Variants in PCDHA6 observed in about 807,000 individuals in gnomAD.
PCDHA6 encodes the protein protocadherin alpha-6.
A neutral mutation model predicts 60.3 loss-of-function variants in PCDHA6; 55 were observed. That is an observed-to-expected ratio of 0.91 (90% confidence interval 0.73 to 1.14). The LOEUF is 1.14. Ranked by LOEUF, PCDHA6 falls within the 50% of genes most tolerant of loss-of-function variation. The pLI, the probability that PCDHA6 is intolerant of heterozygous loss-of-function variation, is 0.00. For synonymous variants in PCDHA6, 652 were observed against 557.9 expected, an observed-to-expected ratio of 1.17 and a Z score of -2.38; for missense variants, 1,327 against 1,256.5, an observed-to-expected ratio of 1.06 and a Z score of -0.85.
At chr5:140,975,523 A>T (rs1275717294) in intron 1 of PCDHA6, among the ~76,000 whole-genome samples, 1 of 152,196 alleles carries the variant, frequency 6.6e-6, no homozygotes, top group African/African-American at 2.4e-5. Flanking sequence ...TCTGCAGTGG[A>T]TATATTCTTA....
intron 3 of PCDHA6, among the ~76,000 whole-genome samples, chr5:141,007,792 C>A (rs2098346636): frequency 6.6e-6 from 1 of 152,166 alleles, no homozygotes. Flanking sequence ...TACAAATTAG[C>A]CTTTATCTGC....
intron 1 of PCDHA6, among the ~76,000 whole-genome samples, chr5:140,885,025 T>A (rs2060432297): frequency 6.6e-6 from 1 of 152,228 alleles, no homozygotes; most frequent in Non-Finnish European, 1.5e-5. Context: ...ATCTTAAATT[T>A]AAAAAATTTT....
At chr5:141,002,682 G>A (rs536105955) in intron 3 of PCDHA6, among the ~76,000 whole-genome samples, 51 of 152,256 alleles carry the variant, frequency 3.3e-4, no homozygotes, top group African/African-American at 1.0e-3. Flanking sequence ...CCTATACGAC[G>A]TGCAGATTTG....
chr5:140,941,214 C>CCCTTCTTTCTTTCTTTCTTTCTTT (rs2092871784), intron 1 of PCDHA6, among the ~76,000 whole-genome samples: 1 of 122,414 alleles, frequency 8.2e-6, no homozygotes, highest in Non-Finnish European at 1.7e-5. Flanking sequence ...TTTCTTTCTT[C>CCCTTCTTTCTTTCTTTCTTTCTTT]CTTTCTTTCT....
At chr5:140,893,434 C>G (rs1554185617) in intron 1 of PCDHA6, among the ~76,000 whole-genome samples, 1 of 152,042 alleles carries the variant, frequency 6.6e-6, no homozygotes, top group African/African-American at 2.4e-5. Context: ...AGGAAGATCG[C>G]TTGAAGCCAG....
chr5:140,848,884 C>T, intron 1 of PCDHA6: 2 of 1,591,388 alleles, frequency 1.3e-6, no homozygotes, highest in South Asian at 1.1e-5. Flanking sequence ...AACGACAACC[C>T]TCCAGTGTTC....
intron 1 of PCDHA6, chr5:140,882,587 G>A (rs559310344): frequency 6.2e-7 from 1 of 1,614,256 alleles, no homozygotes; most frequent in East Asian, 2.2e-5. Flanking sequence ...CATCCACCTG[G>A]AGGTGATCGT....
chr5:140,927,802 A>G (rs782489417), intron 1 of PCDHA6: 1 of 1,614,030 alleles, frequency 6.2e-7, no homozygotes, highest in African/African-American at 1.3e-5. Flanking sequence ...TCCGCCTGAA[A>G]CGCTCTTGGA....
chr5:140,842,293 C>T, intron 1 of PCDHA6: 1 of 1,609,994 alleles, frequency 6.2e-7, no homozygotes, highest in South Asian at 1.1e-5. Flanking sequence ...ACGCCACGGA[C>T]AAAGGCCATC....
chr5:140,850,782 G>A (rs1485656675), intron 1 of PCDHA6: 2 of 1,598,136 alleles, frequency 1.3e-6, no homozygotes, highest in African/African-American at 1.3e-5. Flanking sequence ...CTCTGGCGAG[G>A]GTAAGCAGAA....
chr5:140,881,127 A>G (rs1274793505), intron 1 of PCDHA6, among the ~76,000 whole-genome samples: 1 of 152,234 alleles, frequency 6.6e-6, no homozygotes, highest in Non-Finnish European at 1.5e-5. Context: ...GTGGCTTGGT[A>G]GAGATAGTTA....
At chr5:140,987,997 T>C (rs2097277277) in intron 3 of PCDHA6, among the ~76,000 whole-genome samples, 1 of 152,212 alleles carries the variant, frequency 6.6e-6, no homozygotes, top group African/African-American at 2.4e-5. Flanking sequence ...TCTCTGATCC[T>C]TCCCCAGAAA....
intron 1 of PCDHA6, among the ~76,000 whole-genome samples, chr5:140,840,919 A>C (rs2150310100): frequency 6.6e-5 from 10 of 152,182 alleles, no homozygotes; most frequent in African/African-American, 2.2e-4. Context: ...TAAATTTATT[A>C]TTAATTGATA....
rs139165612 is a variant in PCDHA6 at position 140,875,715 on chromosome 5, T to C, written c.2394+45230T>C. On this transcript the variant is annotated intron_variant, in intron 1 of 3. Coordinates refer to ENST00000529310, the MANE Select transcript of PCDHA6 (RefSeq NM_018909.4). Reference sequence around the variant, plus strand: ...ACCTTCTGGAGGTAAATCTGCAGAATGGCATTTTGTTTGTGAATTCTCGGA... The same window carrying C: ...ACCTTCTGGAGGTAAATCTGCAGAACGGCATTTTGTTTGTGAATTCTCGGA... 205 of 1,614,134 alleles carry C rather than the reference T, an allele frequency of 1.3e-4. 1 individual carries two copies. The African/African-American group carries it at 2.2e-3, about 17-fold the overall frequency.
rs2150422105 is a variant in PCDHA6 at position 140,848,832 on chromosome 5, C to G, written c.2394+18347C>G. On this transcript the variant is annotated intron_variant, in intron 1 of 3. Transcript: ENST00000529310. ...CCACCTGGAGGTGATCGTAGACAGG[C>G]CGCTGCAGGTTTTCCATGTGGACGT... is the stretch of plus-strand genomic sequence containing the variant. 3.8e-6 allele frequency: 6 copies of G among 1,590,118 alleles called. 1 individual carries two copies. Among genetic ancestry groups the G allele is most frequent in the Non-Finnish European group, 5.2e-6 (6 of 1,161,950 alleles).
chr5:140,862,039 C>A (rs1554155581), intron 1 of PCDHA6: 1 of 155,382 alleles, frequency 6.4e-6, no homozygotes, highest in African/African-American at 2.4e-5. Context: ...GGGTTCAAAC[C>A]GTCACATTGT....
rs934481202 is a variant in PCDHA6, at chr5:140,902,279, C to A, written c.2394+71794C>A. On this transcript the variant is annotated intron_variant, in intron 1 of 3. Coordinates refer to ENST00000529310, the MANE Select transcript of PCDHA6 (RefSeq NM_018909.4). ...TCTCGAACTCCTGGGCTCAAGCAATCCTCCTGCCTCAGCCTCCCAAAGTGC... is the reference window on the plus strand; with the variant it reads ...TCTCGAACTCCTGGGCTCAAGCAATACTCCTGCCTCAGCCTCCCAAAGTGC... Among the ~76,000 whole-genome samples the A allele has an allele frequency of 2.7e-5, 4 of 148,452 alleles. No individual in the cohort carries two copies. The Admixed American group carries it at 2.7e-4, about 10-fold the overall frequency.
At chr5:140,869,630 A>G in intron 1 of PCDHA6, 2 of 1,613,720 alleles carry the variant, frequency 1.2e-6, no homozygotes, top group Non-Finnish European at 8.5e-7. Context: ...AGTAAAAATG[A>G]GTATTTTTCT....
At chr5:140,875,580 C>T (rs1381718234) in intron 1 of PCDHA6, 2 of 1,614,076 alleles carry the variant, frequency 1.2e-6, no homozygotes, top group East Asian at 2.2e-5. Flanking sequence ...ACTCCGTCTA[C>T]GAGGAGGCCA....
Sources: gnomAD v4.1 joint callset for allele counts (sites outside exome capture counted in the v4.1 genomes callset) on GRCh38, gnomAD v4.1.1 for gene constraint, MANE v1.5 for transcripts, NCBI Gene and HGNC (gene_info 2026-07-23, HGNC 2026-07-21) for gene names.